Variants in ASCC3 observed in about 807,000 individuals in gnomAD.
ASCC3 encodes ASC-1 complex subunit P200.
In ASCC3, 158 loss-of-function variants were observed where a neutral mutation model predicts 256.3. The observed-to-expected ratio is 0.62, with a 90% CI of 0.54 to 0.70. The LOEUF (loss-of-function observed/expected upper bound fraction) is 0.70. ASCC3 is among the 30% of genes least tolerant of loss of function. ASCC3 has a pLI of 0.00. For missense variants in ASCC3, 2,259 were observed against 2,626.0 expected (o/e 0.86, Z 3.05); for synonymous variants, 948 against 883.4 (o/e 1.07, Z -1.30).
intron 8 of ASCC3, among the ~76,000 whole-genome samples, chr6:100,785,028 T>G (rs1782624680): frequency 1.5e-5 from 1 of 68,426 alleles, no homozygotes; most frequent in Non-Finnish European, 4.9e-5. Context: ...ACTGAAAAAT[T>G]ACTAAATTTT....
At chr6:100,608,180 G>GATATATATACATA (rs1773078652) in intron 30 of ASCC3, among the ~76,000 whole-genome samples, 1 of 19,882 alleles carries the variant, frequency 5.0e-5, no homozygotes, top group Non-Finnish European at 1.2e-4. Context: ...ATTTATATAT[G>GATATATATACATA]TGTGTGTATA....
chr6:100,628,984 GT>G (rs777792743), intron 27 of ASCC3, 30 bp downstream of exon 27: 1 of 1,600,062 alleles, frequency 6.2e-7, no homozygotes, highest in Non-Finnish European at 8.5e-7. Context: ...GTTAAAGTTT[GT>G]AAACTGGCTT....
chr6:100,838,164 T>C (rs535781303), intron 4 of ASCC3, among the ~76,000 whole-genome samples: 1 of 152,100 alleles, frequency 6.6e-6, no homozygotes, highest in Non-Finnish European at 1.5e-5. Flanking sequence ...AGAAAAACTA[T>C]GCAATTTAGG....
intron 4 of ASCC3, among the ~76,000 whole-genome samples, chr6:100,842,941 C>A (rs1314186410): frequency 6.6e-6 from 1 of 152,138 alleles, no homozygotes; most frequent in African/African-American, 2.4e-5. Flanking sequence ...TGCCACTACA[C>A]TCCAGCCTGG....
intron 10 of ASCC3, among the ~76,000 whole-genome samples, chr6:100,746,399 T>C (rs1780679543): frequency 6.6e-6 from 1 of 152,078 alleles, no homozygotes; most frequent in South Asian, 2.1e-4. Context: ...GAATATGCAT[T>C]GAAATGAGAT....
intron 4 of ASCC3, among the ~76,000 whole-genome samples, chr6:100,807,267 G>A (rs543190857): frequency 1.4e-4 from 21 of 151,876 alleles, no homozygotes; most frequent in Admixed American, 1.3e-3. Context: ...CAAGAAATAT[G>A]AAAGTAAATA....
At chr6:100,510,584 T>C (rs921271294) in intron 40 of ASCC3, among the ~76,000 whole-genome samples, 7 of 152,042 alleles carry the variant, frequency 4.6e-5, no homozygotes, top group Non-Finnish European at 1.0e-4. Flanking sequence ...AGATGATGAG[T>C]ACTATATCAA....
At chr6:100,644,482 C>T (rs1562193723) in intron 22 of ASCC3, among the ~76,000 whole-genome samples, 1 of 152,168 alleles carries the variant, frequency 6.6e-6, no homozygotes, top group Non-Finnish European at 1.5e-5. Context: ...GATGGTTTCA[C>T]AGTTCATCTA....
intron 8 of ASCC3, among the ~76,000 whole-genome samples, chr6:100,770,459 C>T (rs980251136): frequency 4.0e-5 from 6 of 150,960 alleles, no homozygotes; most frequent in African/African-American, 1.2e-4. Flanking sequence ...AAGGCTCTAT[C>T]CACTTAACAT....
intron 30 of ASCC3, among the ~76,000 whole-genome samples, chr6:100,613,070 CT>C (rs529659670): frequency 7.0e-5 from 10 of 142,690 alleles, no homozygotes; most frequent in East Asian, 2.0e-4. Context: ...TTCTTTCTTT[CT>C]TTTTTTTTTC....
intron 36 of ASCC3, among the ~76,000 whole-genome samples, chr6:100,578,775 A>G (rs773675523): frequency 2.6e-5 from 4 of 152,124 alleles, no homozygotes; most frequent in Non-Finnish European, 5.9e-5. Context: ...TCCTTTGGGT[A>G]TATACCCAAT....
At chr6:100,845,589 T>C (rs1051328891) in intron 4 of ASCC3, among the ~76,000 whole-genome samples, 3 of 152,180 alleles carry the variant, frequency 2.0e-5, no homozygotes, top group Non-Finnish European at 4.4e-5. Context: ...AATGAAGTCA[T>C]GCACATAAAG....
At chr6:100,692,832 C>G (rs1777900778) in intron 13 of ASCC3, among the ~76,000 whole-genome samples, 1 of 151,968 alleles carries the variant, frequency 6.6e-6, no homozygotes, top group South Asian at 2.1e-4. Flanking sequence ...ACTAGGAGAA[C>G]TTGATGATGC....
At chr6:100,860,798 T>C (rs181920745) in intron 3 of ASCC3, among the ~76,000 whole-genome samples, 1 of 152,090 alleles carries the variant, frequency 6.6e-6, no homozygotes, top group African/African-American at 2.4e-5. Flanking sequence ...CAGTACGCAC[T>C]ATTCAGGAAA....
At chr6:100,594,630 C>T (rs1481224761) in intron 34 of ASCC3, among the ~76,000 whole-genome samples, 2 of 152,032 alleles carry the variant, frequency 1.3e-5, no homozygotes, top group Non-Finnish European at 1.5e-5. Context: ...ATGGATAGTT[C>T]CTAAAAATCT....
chr6:100,764,417 A>T (rs1187946194), intron 10 of ASCC3, among the ~76,000 whole-genome samples: 1 of 152,228 alleles, frequency 6.6e-6, no homozygotes, highest in African/African-American at 2.4e-5. Context: ...TTCATTTAAG[A>T]AAATATTATT....
At chr6:100,773,993 TAACA>T (rs897626447) in intron 8 of ASCC3, among the ~76,000 whole-genome samples, 5 of 122,796 alleles carry the variant, frequency 4.1e-5, no homozygotes, top group South Asian at 3.7e-4. Flanking sequence ...AAGAATATAC[TAACA>T]AACAAAACCT....
At chr6:100,563,782 A>T (rs923836739) in intron 36 of ASCC3, among the ~76,000 whole-genome samples, 3 of 152,194 alleles carry the variant, frequency 2.0e-5, no homozygotes, top group Non-Finnish European at 4.4e-5. Flanking sequence ...TGTAAGTTAT[A>T]ATACACTGAT....
chr6:100,576,352 T>C (rs544109976), intron 36 of ASCC3, among the ~76,000 whole-genome samples: 1 of 152,238 alleles, frequency 6.6e-6, no homozygotes, highest in South Asian at 2.1e-4. Context: ...TTAATACTTA[T>C]AATTCTAGTT....
Sources: allele counts gnomAD v4.1 joint callset (sites outside exome capture counted in the v4.1 genomes callset), GRCh38; gene constraint gnomAD v4.1.1; transcripts MANE v1.5; gene names NCBI Gene and HGNC (gene_info 2026-07-23, HGNC 2026-07-21).